Variants in PDGFD observed in about 807,000 individuals in gnomAD.
The protein encoded by PDGFD is platelet derived growth factor D, also known as platelet-derived growth factor D.
Under a neutral mutation model 44.7 loss-of-function variants are expected in PDGFD, and 30 were observed. That is an observed-to-expected ratio of 0.67 (90% CI 0.50 to 0.91). PDGFD has a LOEUF of 0.91. Among genes scored for constraint, PDGFD ranks in the 40% least tolerant of loss-of-function variants. The pLI, the probability that PDGFD is intolerant of heterozygous loss-of-function variation, is 0.00. For synonymous variants in PDGFD, 173 were observed against 168.4 expected (o/e 1.03, Z -0.21); for missense variants, 445 against 457.8 (o/e 0.97, Z 0.25).
chr11:104,003,167 G>C (rs1859645975), intron 1 of PDGFD, among the ~76,000 whole-genome samples: 1 of 152,256 alleles, frequency 6.6e-6, no homozygotes, highest in Non-Finnish European at 1.5e-5. Flanking sequence ...AGTGCTGAGT[G>C]TAAATGCTGT....
intron 1 of PDGFD, among the ~76,000 whole-genome samples, chr11:104,035,573 T>C (rs1468519761): frequency 2.7e-5 from 4 of 149,078 alleles, no homozygotes; most frequent in Admixed American, 2.7e-4. Context: ...TTTTTTTTTT[T>C]TTTTTTTTTG....
chr11:104,162,712 A>G (rs193167038), intron 1 of PDGFD, among the ~76,000 whole-genome samples: 44 of 152,300 alleles, frequency 2.9e-4, no homozygotes, highest in African/African-American at 1.0e-3. Flanking sequence ...CAAATTAAGG[A>G]CATACCAAGA....
At chr11:104,079,128 T>C (rs361306) in intron 1 of PDGFD, among the ~76,000 whole-genome samples, 72,061 of 152,012 alleles carry the variant, frequency 0.47, 18,983 homozygotes, top group African/African-American at 0.72. Flanking sequence ...ACATATTTGG[T>C]GAATTCAAAC....
At chr11:104,130,827 CCTT>C (rs1426496595) in intron 1 of PDGFD, among the ~76,000 whole-genome samples, 5 of 152,146 alleles carry the variant, frequency 3.3e-5, no homozygotes, top group Non-Finnish European at 7.4e-5. Flanking sequence ...TTTTTACAGA[CCTT>C]CTAACCTTCT....
chr11:103,913,176 AC>A (rs57142501), intron 6 of PDGFD, among the ~76,000 whole-genome samples: 49,847 of 152,014 alleles, frequency 0.33, 8,355 homozygotes, highest in East Asian at 0.45. Flanking sequence ...AGAACTCCCC[AC>A]CCCAAATCAA....
rs918431636 is a variant in PDGFD, at chr11:103,921,837, A to C, written c.987+5075T>G. Among the ~76,000 whole-genome samples the C allele has an allele frequency of 4.9e-5, 5 of 101,466 alleles. No individual in the cohort carries two copies. In the East Asian group the frequency reaches 1.7e-3, roughly 34 times the overall value. The allele number at this position is 101,466 out of a possible 152,430, so 66.6% of individuals were successfully genotyped here. On this transcript the variant is annotated intron_variant, in intron 6 of 6. Transcript: ENST00000393158. ...ATAGGCTTGTGCCATTCAACAAGGT[A>C]GTCACGGCCTTGTGTGGTAATTTAA...
At chr11:104,075,895 C>T (rs1041908575) in intron 1 of PDGFD, among the ~76,000 whole-genome samples, 2 of 152,108 alleles carry the variant, frequency 1.3e-5, no homozygotes, top group African/African-American at 4.8e-5. Context: ...GGAACTTCCT[C>T]TTATTAGCTC....
At chr11:104,130,870 T>C (rs754986567) in intron 1 of PDGFD, among the ~76,000 whole-genome samples, 9 of 152,186 alleles carry the variant, frequency 5.9e-5, no homozygotes, top group Non-Finnish European at 1.2e-4. Flanking sequence ...TTATATTTCA[T>C]TGAATCAAAA....
intron 1 of PDGFD, among the ~76,000 whole-genome samples, chr11:104,031,114 T>C (rs535091008): frequency 2.2e-4 from 34 of 152,158 alleles, no homozygotes; most frequent in African/African-American, 7.5e-4. Flanking sequence ...CCAAAAGCAA[T>C]TGCAACAAAA....
At chr11:103,921,089 C>A (rs1180357757) in intron 6 of PDGFD, among the ~76,000 whole-genome samples, 1 of 152,130 alleles carries the variant, frequency 6.6e-6, no homozygotes, top group Non-Finnish European at 1.5e-5. Context: ...GGAACCAGAA[C>A]CCACATCTTT....
At chr11:104,074,217 G>A (rs1432595573) in intron 1 of PDGFD, among the ~76,000 whole-genome samples, 1 of 152,186 alleles carries the variant, frequency 6.6e-6, no homozygotes, top group African/African-American at 2.4e-5. Context: ...ACTTGCCTGA[G>A]CCAGCTGAGA....
At chr11:104,153,088 C>T (rs1862266131) in intron 1 of PDGFD, among the ~76,000 whole-genome samples, 1 of 151,118 alleles carries the variant, frequency 6.6e-6, no homozygotes, top group East Asian at 1.9e-4. Flanking sequence ...AATTAAGTTT[C>T]TATCTTTATG....
chr11:104,139,581 G>C (rs1467201972), intron 1 of PDGFD, among the ~76,000 whole-genome samples: 1 of 152,124 alleles, frequency 6.6e-6, no homozygotes, highest in Non-Finnish European at 1.5e-5. Context: ...CTTTCAAGTA[G>C]ATGCAGGGTA....
At chr11:104,025,649 T>C (rs75644150) in intron 1 of PDGFD, among the ~76,000 whole-genome samples, 1,784 of 152,212 alleles carry the variant, frequency 0.012, 27 homozygotes, top group African/African-American at 0.041. Context: ...CTCACTGAGG[T>C]GGCCTAAGCA....
intron 1 of PDGFD, among the ~76,000 whole-genome samples, chr11:104,001,153 T>C (rs1859613391): frequency 6.6e-6 from 1 of 152,174 alleles, no homozygotes; most frequent in African/African-American, 2.4e-5. Flanking sequence ...GAAAGACGGA[T>C]TGAAGATTGA....
At chr11:104,125,478 C>T (rs1265539208) in intron 1 of PDGFD, among the ~76,000 whole-genome samples, 4 of 151,950 alleles carry the variant, frequency 2.6e-5, no homozygotes, top group Admixed American at 6.6e-5. Context: ...TCTACCTTAA[C>T]GAAAATGCTT....
At chr11:104,006,275 T>C (rs1331709233) in intron 1 of PDGFD, among the ~76,000 whole-genome samples, 1 of 152,202 alleles carries the variant, frequency 6.6e-6, no homozygotes, top group Non-Finnish European at 1.5e-5. Context: ...CTATACATAT[T>C]AATAAGTCTC....
At chr11:103,984,807 T>C (rs1277382256) in intron 3 of PDGFD, among the ~76,000 whole-genome samples, 4 of 144,358 alleles carry the variant, frequency 2.8e-5, no homozygotes, top group African/African-American at 7.6e-5. Flanking sequence ...ATATTTAATA[T>C]ATTTATATTT....
chr11:104,011,672 T>A (rs1591120240), intron 1 of PDGFD, among the ~76,000 whole-genome samples: 1 of 152,130 alleles, frequency 6.6e-6, no homozygotes, highest in African/African-American at 2.4e-5. Flanking sequence ...TTTGGTAGCA[T>A]AATATATGGA....
Sources: gnomAD v4.1 joint callset for allele counts (sites outside exome capture counted in the v4.1 genomes callset) on GRCh38, gnomAD v4.1.1 for gene constraint, MANE v1.5 for transcripts, NCBI Gene and HGNC (gene_info 2026-07-23, HGNC 2026-07-21) for gene names.